FARS2: variants seen among roughly 807,000 people sequenced by gnomAD.
The protein encoded by FARS2 is phenylalanine--tRNA ligase, mitochondrial.
FARS2 carries 40 observed loss-of-function variants against 46.4 expected under a neutral mutation model. That is an observed-to-expected ratio of 0.86 (90% confidence interval 0.67 to 1.12). The LOEUF is 1.12. Ranked by LOEUF, FARS2 falls within the 50% of genes most tolerant of loss-of-function variation. FARS2 has a pLI of 0.00. For synonymous variants in FARS2, 234 were observed against 214.9 expected, an observed-to-expected ratio of 1.09 and a Z score of -0.78; for missense variants, 513 against 567.9, an observed-to-expected ratio of 0.90 and a Z score of 0.98.
At chr6:5,593,804 A>T (rs1774053819) in intron 5 of FARS2, among the ~76,000 whole-genome samples, 1 of 152,168 alleles carries the variant, frequency 6.6e-6, no homozygotes, top group Non-Finnish European at 1.5e-5. Context: ...TGGGGACAGG[A>T]AGATGGTCGG....
upstream of FARS2, among the ~76,000 whole-genome samples, chr6:5,256,491 GAAAAAAAAAA>G (rs1161084364): frequency 3.0e-4 from 13 of 43,876 alleles, no homozygotes; most frequent in East Asian, 3.7e-3. Flanking sequence ...ATTTCAACTG[GAAAAAAAAAA>G]AAAAAAAAAA....
intron 2 of FARS2, among the ~76,000 whole-genome samples, chr6:5,388,392 A>T (rs1270209847): frequency 6.6e-6 from 1 of 152,218 alleles, no homozygotes; most frequent in African/African-American, 2.4e-5. Context: ...TTTGACACAA[A>T]TCTTTTTTAA....
At chr6:5,552,329 G>A (rs574098419) in intron 5 of FARS2, among the ~76,000 whole-genome samples, 39 of 152,292 alleles carry the variant, frequency 2.6e-4, no homozygotes, top group Non-Finnish European at 4.4e-4. Flanking sequence ...TGGGGAAAAG[G>A]CCTGCTGGCA....
intron 6 of FARS2, among the ~76,000 whole-genome samples, chr6:5,675,800 T>C (rs1778737184): frequency 6.6e-6 from 1 of 152,166 alleles, no homozygotes; most frequent in Admixed American, 6.5e-5. Context: ...AGACACATCG[T>C]TTTCATTGTT....
Position 5,630,167 on chromosome 6 carries a change from G to A in FARS2, c.1217+16847G>A, listed in dbSNP as rs1177720075. ...GAAGAGCAAGGTGAGGAAAGGACCC[G>A]AGGGAACACCAAGGTTTAAAGGATG... On this transcript the variant is annotated intron_variant, in intron 6 of 6. Coordinates refer to ENST00000274680, the MANE Select transcript of FARS2 (RefSeq NM_006567.5). This position sits in a 1 kb window ranked among gnomAD's most constrained non-coding sequence, Gnocchi z 4.2. 6.6e-6 allele frequency among the ~76,000 whole-genome samples: 1 copy of A among 152,134 alleles called. No individual in the cohort carries two copies. The highest frequency in any genetic ancestry group is 1.9e-4 in the East Asian group (1 of 5,172).
chr6:5,679,407 C>T (rs565463911), intron 6 of FARS2, among the ~76,000 whole-genome samples: 1 of 152,288 alleles, frequency 6.6e-6, no homozygotes, highest in South Asian at 2.1e-4. Flanking sequence ...CCCTACTGCA[C>T]TGGCCTGCCC....
chr6:5,577,111 G>T (rs767024875), intron 5 of FARS2, among the ~76,000 whole-genome samples: 1 of 152,060 alleles, frequency 6.6e-6, no homozygotes, highest in Non-Finnish European at 1.5e-5. Context: ...AGCCAGGAGG[G>T]TACTTTTAAA....
chr6:5,275,007 C>T (rs1156358681), intron 1 of FARS2, among the ~76,000 whole-genome samples: 5 of 152,178 alleles, frequency 3.3e-5, no homozygotes, highest in African/African-American at 1.2e-4. Context: ...GTGAGCCTGG[C>T]CCTACATATT....
chr6:5,546,491 T>C (rs188503804), intron 5 of FARS2, among the ~76,000 whole-genome samples: 1,550 of 151,462 alleles, frequency 0.01, 20 homozygotes, highest in African/African-American at 0.034. Context: ...ACCTTGTGAT[T>C]CGCCCGCCTT....
chr6:5,659,661 A>G (rs924139897), intron 6 of FARS2, among the ~76,000 whole-genome samples: 1 of 152,342 alleles, frequency 6.6e-6, no homozygotes, highest in South Asian at 2.1e-4. Flanking sequence ...TGCCTGAGCT[A>G]TGCTGCACAA....
intron 6 of FARS2, among the ~76,000 whole-genome samples, chr6:5,669,379 AC>A (rs536744576): frequency 1.1e-5 from 1 of 92,504 alleles, no homozygotes; most frequent in Non-Finnish European, 2.2e-5. Context: ...ACCTCCCCCC[AC>A]CCCCCCGCTG....
chr6:5,695,302 A>C (rs1487507631), intron 6 of FARS2: 1 of 152,276 alleles, frequency 6.6e-6, no homozygotes, highest in Non-Finnish European at 1.5e-5. Context: ...ACACAACAGC[A>C]GCATTTGTGG....
chr6:5,476,048 G>T (rs1274451837), intron 4 of FARS2, among the ~76,000 whole-genome samples: 1 of 152,196 alleles, frequency 6.6e-6, no homozygotes, highest in Non-Finnish European at 1.5e-5. Context: ...AATGAGACAT[G>T]ATGGGGGAAA....
At chr6:5,355,197 G>T (rs969321882) in intron 1 of FARS2, among the ~76,000 whole-genome samples, 21 of 152,018 alleles carry the variant, frequency 1.4e-4, no homozygotes, top group African/African-American at 5.1e-4. Context: ...TTCTCTGTGT[G>T]ATTCTTCCAC....
At chr6:5,375,122 A>C (rs1041622025) in intron 2 of FARS2, among the ~76,000 whole-genome samples, 2 of 143,378 alleles carry the variant, frequency 1.4e-5, no homozygotes, top group Non-Finnish European at 3.0e-5. Context: ...AAGCATTGGA[A>C]AACATAGATA....
chr6:5,398,592 T>TTTAG (rs1289512135), intron 2 of FARS2, among the ~76,000 whole-genome samples: 28 of 152,194 alleles, frequency 1.8e-4, no homozygotes, highest in Non-Finnish European at 3.8e-4. Flanking sequence ...AAGAATGGTA[T>TTTAG]TTAGAAGCCT....
At chr6:5,547,725 G>A (rs757822734) in intron 5 of FARS2, among the ~76,000 whole-genome samples, 29 of 152,214 alleles carry the variant, frequency 1.9e-4, no homozygotes, top group Non-Finnish European at 4.0e-4. Flanking sequence ...AATCTGCCAT[G>A]CCAGCCCATG....
intron 2 of FARS2, among the ~76,000 whole-genome samples, chr6:5,386,919 GGA>G (rs1450542901): frequency 6.6e-6 from 1 of 152,134 alleles, no homozygotes; most frequent in African/African-American, 2.4e-5. Context: ...GATGATAGTT[GGA>G]GCTATCAGTT....
intron 4 of FARS2, among the ~76,000 whole-genome samples, chr6:5,508,782 G>A (rs1047110539): frequency 4.5e-4 from 69 of 152,168 alleles, no homozygotes; most frequent in Admixed American, 6.5e-5. Context: ...TACGCAGGGC[G>A]GACTGGAATG....
Sources: gnomAD v4.1 joint callset for allele counts (sites outside exome capture counted in the v4.1 genomes callset) on GRCh38, gnomAD v4.1.1 for gene constraint, Gnocchi (gnomAD v3.1) non-coding constraint, MANE v1.5 for transcripts, NCBI Gene and HGNC (gene_info 2026-07-23, HGNC 2026-07-21) for gene names.